The following PSMB7 variants were observed in gnomAD, a reference collection of about 807,000 sequenced individuals.
The protein encoded by PSMB7 is proteasome subunit beta type-7.
A neutral mutation model predicts 28.1 loss-of-function variants in PSMB7; 5 were observed. The observed-to-expected ratio is 0.18, with a 90% CI of 0.09 to 0.37. The LOEUF (loss-of-function observed/expected upper bound fraction) is 0.37, where lower values mean the gene tolerates loss of function less well. Ranked by LOEUF, PSMB7 falls within the 10% of genes least tolerant of loss-of-function variation. PSMB7 has a pLI of 1.00. For synonymous variants in PSMB7, 122 were observed against 123.7 expected, an observed-to-expected ratio of 0.99 and a Z score of 0.09; for missense variants, 275 against 346.2, an observed-to-expected ratio of 0.79 and a Z score of 1.63.
intron 4 of PSMB7, among the ~76,000 whole-genome samples, chr9:124,411,659 G>A (rs556626424): frequency 6.6e-6 from 1 of 152,170 alleles, no homozygotes; most frequent in Non-Finnish European, 1.5e-5. Flanking sequence ...ATAAAGTAAT[G>A]ACGCAATTAT....
At chr9:124,370,747 A>T (rs976778127) in intron 6 of PSMB7, among the ~76,000 whole-genome samples, 1 of 152,216 alleles carries the variant, frequency 6.6e-6, no homozygotes, top group Non-Finnish European at 1.5e-5. Flanking sequence ...CAATTCTTGT[A>T]GGCAGTGGTC....
chr9:124,399,815 C>G lies in PSMB7; in HGVS notation c.511+5502G>C, dbSNP rs1418716860. On this transcript the variant is annotated intron_variant, in intron 5 of 7. Coordinates refer to ENST00000259457, the MANE Select transcript of PSMB7 (RefSeq NM_002799.4). ...CACCACCACTGGATTCGTCCTCACC[C>G]TCAACATTTCTGGCCAGGATGCAAG... 2.6e-5 allele frequency among the ~76,000 whole-genome samples: 4 copies of G among 152,276 alleles called. No individual in the cohort carries two copies. In the East Asian group the frequency reaches 7.7e-4, roughly 29 times the overall value.
At position 124,402,899 on chromosome 9, in the gene PSMB7, T is replaced by C. The variant is rs553049205; in HGVS notation, c.511+2418A>G. On this transcript the variant is annotated intron_variant, in intron 5 of 7. Transcript: ENST00000259457. ...GAATAACTGCAAAGATTCATCCGTATGGTATCTGGGGATAAATCATTCTCC... is the reference window on the plus strand; with the variant it reads ...GAATAACTGCAAAGATTCATCCGTACGGTATCTGGGGATAAATCATTCTCC... Among the ~76,000 whole-genome samples the C allele has an allele frequency of 4.6e-5, 7 of 152,204 alleles. No individual in the cohort carries two copies. In the South Asian group the frequency reaches 8.3e-4, roughly 18 times the overall value.
At chr9:124,361,350 G>A (rs1040201777) in intron 6 of PSMB7, among the ~76,000 whole-genome samples, 11 of 152,162 alleles carry the variant, frequency 7.2e-5, no homozygotes, top group African/African-American at 2.7e-4. Context: ...TGACAAATGG[G>A]CAGCACTTGT....
chr9:124,391,820 GT>G (rs577966658), intron 5 of PSMB7, among the ~76,000 whole-genome samples: 6 of 149,190 alleles, frequency 4.0e-5, no homozygotes, highest in Non-Finnish European at 8.9e-5. Context: ...TACTTGTTCT[GT>G]ACATTTAAAT....
intron 6 of PSMB7, among the ~76,000 whole-genome samples, chr9:124,374,986 C>G (rs1404821938): frequency 6.6e-6 from 1 of 151,700 alleles, no homozygotes; most frequent in Non-Finnish European, 1.5e-5. Flanking sequence ...ACTAAAAATA[C>G]AAAAATCAGC....
chr9:124,386,561 T>A (rs998005465), intron 5 of PSMB7, among the ~76,000 whole-genome samples: 2 of 152,098 alleles, frequency 1.3e-5, no homozygotes, highest in Non-Finnish European at 2.9e-5. Context: ...TATAGACCAA[T>A]CCTGCACAGC....
intron 6 of PSMB7, among the ~76,000 whole-genome samples, chr9:124,372,858 A>G (rs1830576291): frequency 6.6e-6 from 1 of 152,264 alleles, no homozygotes; most frequent in African/African-American, 2.4e-5. Flanking sequence ...CAAGAAAGAA[A>G]GAAGCAATTA....
chr9:124,354,551 G>A (rs1331214086), intron 7 of PSMB7, among the ~76,000 whole-genome samples: 6 of 152,148 alleles, frequency 3.9e-5, no homozygotes, highest in African/African-American at 7.2e-5. Flanking sequence ...CTGGACACAC[G>A]GGCTAAAAGA....
chr9:124,372,493 G>C (rs976734743), intron 6 of PSMB7, among the ~76,000 whole-genome samples: 1 of 152,160 alleles, frequency 6.6e-6, no homozygotes, highest in Non-Finnish European at 1.5e-5. Flanking sequence ...GTTGATTCTT[G>C]AATTCCAGAG....
chr9:124,362,066 C>T (rs1830469417), intron 6 of PSMB7, among the ~76,000 whole-genome samples: 1 of 152,204 alleles, frequency 6.6e-6, no homozygotes, highest in South Asian at 2.1e-4. Flanking sequence ...GCTTTACTTA[C>T]ACTGGAGGCA....
At position 124,414,054 on chromosome 9, in the gene PSMB7, G is replaced by A. The variant is rs569581245; in HGVS notation, c.157-49C>T. 24 of 1,203,010 alleles carry A rather than the reference G, an allele frequency of 2.0e-5. 1 individual carries two copies. Among genetic ancestry groups the A allele is most frequent in the South Asian group, 1.9e-4 (15 of 78,488 alleles). 74.5% of individuals were successfully genotyped at this position (1,203,010 alleles called of 1,614,324 possible). On this transcript the variant is annotated intron_variant, in intron 2 of 7. Transcript: ENST00000259457. Reference sequence around the variant, plus strand: ...ACAATTTTACAAATATAAGCCAACCGCAACTCTCTATTCTACTTTAGGGAA... The same window carrying A: ...ACAATTTTACAAATATAAGCCAACCACAACTCTCTATTCTACTTTAGGGAA...
At chr9:124,378,306 A>AT (rs943458415) in intron 6 of PSMB7, among the ~76,000 whole-genome samples, 2 of 152,158 alleles carry the variant, frequency 1.3e-5, no homozygotes, top group Admixed American at 6.5e-5. Context: ...ATAAATGCTA[A>AT]TTTTTTTTAA....
At chr9:124,369,492 C>T (rs1830540536) in intron 6 of PSMB7, among the ~76,000 whole-genome samples, 1 of 152,210 alleles carries the variant, frequency 6.6e-6, no homozygotes, top group Admixed American at 6.5e-5. Flanking sequence ...ACAAGCACCT[C>T]TAATGGAACG....
Position 124,396,794 on chromosome 9 carries a change from A to C in PSMB7, c.511+8523T>G, listed in dbSNP as rs1015377023. On this transcript the variant is annotated intron_variant, in intron 5 of 7. Transcript: ENST00000259457. ...GGAACACTGCCAAGCTAATAGCAAA[A>C]GATGGTCCCCAAGCTTCTTCTGACA... The C allele has an allele frequency of 8.5e-6, 4 of 471,250 alleles. No homozygotes were observed. The Admixed American group carries it at 9.4e-5, about 11-fold the overall frequency. 29.2% of individuals were successfully genotyped at this position (471,250 alleles called of 1,614,324 possible).
intron 3 of PSMB7, among the ~76,000 whole-genome samples, chr9:124,412,907 G>A (rs986896778): frequency 2.0e-5 from 3 of 152,108 alleles, no homozygotes; most frequent in Non-Finnish European, 4.4e-5. Flanking sequence ...TCAAAGTTGA[G>A]TGTAAGATAC....
intron 7 of PSMB7, among the ~76,000 whole-genome samples, chr9:124,354,381 G>A (rs564337238): frequency 2.0e-5 from 3 of 152,224 alleles, no homozygotes; most frequent in Non-Finnish European, 4.4e-5. Context: ...CAGTGGGTCA[G>A]GAATTAGGAT....
intron 5 of PSMB7, among the ~76,000 whole-genome samples, chr9:124,390,905 T>C (rs1175794636): frequency 6.6e-6 from 1 of 152,230 alleles, no homozygotes; most frequent in Non-Finnish European, 1.5e-5. Context: ...AATCCATGCA[T>C]GAGTCAACAG....
intron 5 of PSMB7, among the ~76,000 whole-genome samples, chr9:124,389,974 T>G (rs1040208979): frequency 6.6e-6 from 1 of 151,914 alleles, no homozygotes; most frequent in Non-Finnish European, 1.5e-5. Context: ...GCCCTGAAAC[T>G]CCGAAAAATA....
Sources: allele counts gnomAD v4.1 joint callset (sites outside exome capture counted in the v4.1 genomes callset), GRCh38; gene constraint gnomAD v4.1.1; transcripts MANE v1.5; gene names NCBI Gene and HGNC (gene_info 2026-07-23, HGNC 2026-07-21).